Variants in WWOX observed in about 807,000 individuals in gnomAD.
The protein encoded by WWOX is WW domain-containing oxidoreductase.
Under a neutral mutation model 46.2 loss-of-function variants are expected in WWOX, and 69 were observed. The ratio of observed to expected loss-of-function variants is 1.49; its 90% CI spans 1.23 to 1.82. The LOEUF (loss-of-function observed/expected upper bound fraction) is 1.82. WWOX is among the 40% of genes most tolerant of loss of function. The pLI is 0.00. For synonymous variants in WWOX, 359 were observed against 202.6 expected (o/e 1.77, Z -6.56); for missense variants, 919 against 542.6 (o/e 1.69, Z -6.89).
chr16:78,560,168 C>G (rs920832602), intron 8 of WWOX, among the ~76,000 whole-genome samples: 19 of 152,184 alleles, frequency 1.2e-4, no homozygotes, highest in Admixed American at 9.2e-4. Context: ...TTTTCTCCAG[C>G]TAGTAGCTCA....
chr16:78,221,188 C>T (rs745560247), intron 5 of WWOX, among the ~76,000 whole-genome samples: 1 of 152,066 alleles, frequency 6.6e-6, no homozygotes, highest in East Asian at 1.9e-4. Flanking sequence ...TCTCTAATGT[C>T]CTCTGTATTA....
chr16:78,957,181 A>C (rs1045306472), intron 8 of WWOX, among the ~76,000 whole-genome samples: 3 of 152,220 alleles, frequency 2.0e-5, no homozygotes, highest in Non-Finnish European at 4.4e-5. Context: ...TTAAAGAAGC[A>C]ATATTTACTG....
chr16:78,517,759 T>C (rs1354776641), intron 8 of WWOX, among the ~76,000 whole-genome samples: 2 of 152,094 alleles, frequency 1.3e-5, no homozygotes, highest in Non-Finnish European at 2.9e-5. Flanking sequence ...TGGAGCTGTT[T>C]ACCTTGGCTT....
intron 8 of WWOX, among the ~76,000 whole-genome samples, chr16:78,516,153 A>G (rs2043231345): frequency 6.6e-6 from 1 of 152,220 alleles, no homozygotes; most frequent in Non-Finnish European, 1.5e-5. Flanking sequence ...TGCCCAGGCC[A>G]GAAGTACCTG....
chr16:78,151,684 A>G (rs532385806), intron 4 of WWOX, among the ~76,000 whole-genome samples: 39 of 152,280 alleles, frequency 2.6e-4, no homozygotes, highest in Non-Finnish European at 4.9e-4. Flanking sequence ...TATCAATTAG[A>G]TAGCATTTGG....
intron 4 of WWOX, among the ~76,000 whole-genome samples, chr16:78,130,616 G>A (rs931824541): frequency 6.6e-6 from 1 of 152,222 alleles, no homozygotes; most frequent in African/African-American, 2.4e-5. Flanking sequence ...TCCATGGTCA[G>A]TTTACCTGCC....
At chr16:78,743,457 T>C (rs923730926) in intron 8 of WWOX, among the ~76,000 whole-genome samples, 1 of 148,562 alleles carries the variant, frequency 6.7e-6, no homozygotes, top group African/African-American at 2.4e-5. Context: ...AAGCATCATT[T>C]AGAGAAGAAA....
chr16:79,000,601 G>C (rs149118433), intron 8 of WWOX, among the ~76,000 whole-genome samples: 345 of 152,256 alleles, frequency 2.3e-3, no homozygotes, highest in African/African-American at 7.9e-3. Flanking sequence ...AGCCAGAAGA[G>C]GCAAGGAAAG....
Position 78,445,704 on chromosome 16 carries a change from C to T in WWOX, c.1056+12952C>T, listed in dbSNP as rs560547905. On this transcript the variant is annotated intron_variant, in intron 8 of 8. Transcript: ENST00000566780. Reference sequence around the variant, plus strand: ...CCAGCCTAGCTAACACGGTGAAACCCTTCTCTACTAAAAATACAAAAATAT... The same window carrying T: ...CCAGCCTAGCTAACACGGTGAAACCTTTCTCTACTAAAAATACAAAAATAT... 4.6e-5 allele frequency among the ~76,000 whole-genome samples: 7 copies of T among 152,270 alleles called. No homozygotes were observed. The East Asian group carries it at 7.7e-4, about 17-fold the overall frequency.
chr16:79,063,364 C>G (rs2048388095), intron 8 of WWOX, among the ~76,000 whole-genome samples: 1 of 152,172 alleles, frequency 6.6e-6, no homozygotes, highest in South Asian at 2.1e-4. Flanking sequence ...TATCTTGGCC[C>G]CATCACATCA....
chr16:78,532,585 C>G (rs771109195), intron 8 of WWOX, among the ~76,000 whole-genome samples: 1 of 152,178 alleles, frequency 6.6e-6, no homozygotes, highest in Non-Finnish European at 1.5e-5. Context: ...CTGATAAAGG[C>G]ATACCCAATA....
At chr16:78,468,793 T>C (rs1299254443) in intron 8 of WWOX, among the ~76,000 whole-genome samples, 1 of 152,224 alleles carries the variant, frequency 6.6e-6, no homozygotes, top group Non-Finnish European at 1.5e-5. Context: ...CAACAATCTA[T>C]ATTCTGATTT....
At chr16:78,715,695 T>A (rs2048545027) in intron 8 of WWOX, among the ~76,000 whole-genome samples, 2 of 152,180 alleles carry the variant, frequency 1.3e-5, no homozygotes, top group South Asian at 4.1e-4. Flanking sequence ...CAGGCTGGTC[T>A]CGAACTCCTG....
chr16:79,031,668 C>A lies in WWOX; in HGVS notation c.1057-179940C>A, dbSNP rs182426458. On this transcript the variant is annotated intron_variant, in intron 8 of 8. Coordinates refer to ENST00000566780, the MANE Select transcript of WWOX (RefSeq NM_016373.4). ...TAATTTAAAATTTATCATTTAATAC[C>A]ATCTTTTTTGAATGGTTAAATAGTG... Among the ~76,000 whole-genome samples, 432 of 149,158 alleles carry A rather than the reference C, an allele frequency of 2.9e-3. 5 individuals carry two copies. The highest frequency in any genetic ancestry group is 2.0e-3 in the Non-Finnish European group (134 of 67,352).
At chr16:78,404,133 C>T (rs755278653) in intron 6 of WWOX, among the ~76,000 whole-genome samples, 3 of 152,006 alleles carry the variant, frequency 2.0e-5, no homozygotes, top group African/African-American at 7.2e-5. Flanking sequence ...CAAATGGTAC[C>T]TAAATGACTG....
At chr16:79,198,156 C>T (rs528774562) in intron 8 of WWOX, among the ~76,000 whole-genome samples, 97 of 148,552 alleles carry the variant, frequency 6.5e-4, no homozygotes, top group Middle Eastern at 6.8e-3. Flanking sequence ...GAAACCCCGT[C>T]TCTACTAAAA....
intron 8 of WWOX, among the ~76,000 whole-genome samples, chr16:78,973,488 C>G (rs943558517): frequency 3.3e-5 from 5 of 152,316 alleles, no homozygotes; most frequent in Non-Finnish European, 5.9e-5. Context: ...TTTCTTCAAA[C>G]ATCTCTAACA....
intron 8 of WWOX, among the ~76,000 whole-genome samples, chr16:79,138,851 C>T (rs947538491): frequency 6.6e-6 from 1 of 152,130 alleles, no homozygotes; most frequent in Non-Finnish European, 1.5e-5. Context: ...GGGAATTGTC[C>T]ATAGATGCCT....
chr16:78,645,496 T>A (rs191152042), intron 8 of WWOX, among the ~76,000 whole-genome samples: 1 of 152,260 alleles, frequency 6.6e-6, no homozygotes, highest in Admixed American at 6.5e-5. Flanking sequence ...CTGCAGGATG[T>A]CCAAGAAGCA....
Sources: allele counts gnomAD v4.1 joint callset (sites outside exome capture counted in the v4.1 genomes callset), GRCh38; gene constraint gnomAD v4.1.1; transcripts MANE v1.5; gene names NCBI Gene and HGNC (gene_info 2026-07-23, HGNC 2026-07-21).